Variants in FCN2 observed in about 807,000 individuals in gnomAD.
The protein encoded by FCN2 is ficolin 2, also known as ficolin-2.
FCN2 carries 31 observed loss-of-function variants against 32.5 expected under a neutral mutation model. The ratio of observed to expected loss-of-function variants is 0.96; its 90% CI spans 0.72 to 1.29. The LOEUF (loss-of-function observed/expected upper bound fraction) is 1.29. FCN2 is among the 50% of genes most tolerant of loss of function. FCN2 has a pLI of 0.00. For synonymous variants in FCN2, 181 were observed against 164.5 expected, an observed-to-expected ratio of 1.10 and a Z score of -0.77; for missense variants, 412 against 406.5, an observed-to-expected ratio of 1.01 and a Z score of -0.12.
the FCN2 span, among the ~76,000 whole-genome samples, chr9:134,874,588 A>G: frequency 3.0e-4 from 46 of 152,194 alleles, no homozygotes; most frequent in Non-Finnish European, 6.2e-4. Context: ...TTTTACATCC[A>G]AACAACCATT....
At chr9:134,877,948 C>T (rs184615618), upstream of FCN2, among the ~76,000 whole-genome samples, 41 of 152,228 alleles carry the variant, frequency 2.7e-4, no homozygotes, top group Admixed American at 2.4e-3. Context: ...AGTCAGTGGG[C>T]TGGGGAAGGC....
upstream of FCN2, among the ~76,000 whole-genome samples, chr9:134,878,346 T>A (rs1342981852): frequency 6.6e-6 from 1 of 152,186 alleles, no homozygotes; most frequent in Non-Finnish European, 1.5e-5. Flanking sequence ...ACTTCTGCCC[T>A]TCTCTGAGCC....
the FCN2 span, among the ~76,000 whole-genome samples, chr9:134,866,030 G>A: frequency 6.6e-6 from 1 of 151,424 alleles, no homozygotes. Flanking sequence ...TCATGGGTAG[G>A]AAGAATCAAT....
At chr9:134,882,691 A>T (rs751025007) in intron 2 of FCN2, 52 bp downstream of exon 2, 2 of 1,311,734 alleles carry the variant, frequency 1.5e-6, no homozygotes, top group African/African-American at 2.9e-5. Flanking sequence ...TTGAAACCAG[A>T]TGCTGAGTTG....
intron 7 of FCN2, 55 bp downstream of exon 7, chr9:134,886,619 T>C: frequency 6.2e-7 from 1 of 1,602,830 alleles, no homozygotes. Context: ...GTTTGGGAAG[T>C]GGAGAGAGCG....
chr9:134,877,430 A>G (rs1830613425), upstream of FCN2, among the ~76,000 whole-genome samples: 1 of 152,292 alleles, frequency 6.6e-6, no homozygotes, highest in East Asian at 1.9e-4. Flanking sequence ...TAGTATCCAA[A>G]TATTTGGGAG....
chr9:134,883,159 C>A, intron 2 of FCN2, 143 bp from the exon 3 acceptor site: 1 of 774,510 alleles, frequency 1.3e-6, no homozygotes, highest in Non-Finnish European at 2.3e-6. Context: ...GCAGGATGGG[C>A]AAGCCTGGGC....
the FCN2 span, among the ~76,000 whole-genome samples, chr9:134,873,145 T>C: frequency 6.6e-6 from 1 of 150,558 alleles, no homozygotes; most frequent in Non-Finnish European, 1.5e-5. Flanking sequence ...TTTTTTTTAC[T>C]GAGTTTGAAG....
upstream of FCN2, among the ~76,000 whole-genome samples, chr9:134,879,354 T>C (rs945549090): frequency 6.6e-6 from 1 of 152,232 alleles, no homozygotes; most frequent in Non-Finnish European, 1.5e-5. Context: ...TTTAAAGCCT[T>C]CTAGACTTAA....
intron 1 of FCN2, among the ~76,000 whole-genome samples, chr9:134,882,307 A>G (rs546020678): frequency 3.3e-5 from 5 of 152,356 alleles, no homozygotes; most frequent in South Asian, 2.1e-4. Context: ...CTGCCTGACC[A>G]GTGCCCAAGA....
Position 134,882,578 on chromosome 9 carries a change from C to T in FCN2, c.153C>T (p.Gly51=), listed in dbSNP as rs1184663958. Residue 51 remains glycine, a synonymous_variant, in exon 2 of 8, where the codon GGC becomes GGT. Transcript: ENST00000291744. ...EGSDKLTILR[G]CPGLPGAPGP... ...CTGACAAGCTCACCATTCTCCGAGG[C>T]TGTCCGGGGCTGCCTGGGGCCCCTG... 1.2e-6 allele frequency: 2 copies of T among 1,614,164 alleles called. No individual in the cohort carries two copies. The highest frequency in any genetic ancestry group is 1.7e-6 in the Non-Finnish European group (2 of 1,180,028).
chr9:134,887,310 C>G lies in FCN2; in HGVS notation c.837C>G (p.Tyr279Ter), dbSNP rs1830774283. The G allele has an allele frequency of 6.2e-7, 1 of 1,614,012 alleles. No homozygotes were observed. Among genetic ancestry groups the G allele is most frequent in the Non-Finnish European group, 8.5e-7 (1 of 1,180,012 alleles). Residue 279 changes from tyrosine (Y) to a stop codon, truncating the protein, a stop_gained, in exon 8 of 8, where the codon TAC becomes TAG. Coordinates refer to ENST00000291744, the MANE Select transcript of FCN2 (RefSeq NM_004108.3). LOFTEE classifies it low-confidence loss of function (END_TRUNC). ...ATGTGTCAAACCTGAATGGTCGCTA[C>G]CTCAGGGGGACTCATGGCAGCTTTG... Reference protein sequence around the residue: ...NCHVSNLNGRYLRGTHGSFAN... With the variant: ...NCHVSNLNGR
At chr9:134,883,509 G>T (rs892520140) in intron 3 of FCN2, among the ~76,000 whole-genome samples, 154 bp downstream of exon 3, 1 of 151,632 alleles carries the variant, frequency 6.6e-6, no homozygotes, top group East Asian at 2.0e-4. Context: ...CAGGGCAGGG[G>T]TCTCAGTGTG....
At chr9:134,878,907 C>A, upstream of FCN2, among the ~76,000 whole-genome samples, 1 of 152,160 alleles carries the variant, frequency 6.6e-6, no homozygotes. Flanking sequence ...ACTTATAAAC[C>A]TTATTATTCT....
chr9:134,876,249 T>G (rs1031984932), upstream of FCN2, among the ~76,000 whole-genome samples: 8 of 152,238 alleles, frequency 5.3e-5, no homozygotes, highest in Non-Finnish European at 7.3e-5. Flanking sequence ...CAATGATTTT[T>G]ATCTACTTTT....
the FCN2 span, among the ~76,000 whole-genome samples, chr9:134,868,777 GTGAC>G: frequency 6.6e-6 from 1 of 152,250 alleles, no homozygotes; most frequent in South Asian, 2.1e-4. This position sits in a 1 kb window ranked among gnomAD's most constrained non-coding sequence, Gnocchi z 4.3. Flanking sequence ...GCCCTGACCA[GTGAC>G]CACACCACTG....
chr9:134,867,798 C>T, the FCN2 span, among the ~76,000 whole-genome samples: 1 of 152,148 alleles, frequency 6.6e-6, no homozygotes, highest in Non-Finnish European at 1.5e-5. Flanking sequence ...AATTCTACAA[C>T]CACATTCCCA....
At chr9:134,886,888 T>G (rs760730597) in intron 7 of FCN2, among the ~76,000 whole-genome samples, 62 of 151,778 alleles carry the variant, frequency 4.1e-4, no homozygotes, top group Middle Eastern at 3.4e-3. Context: ...GAATCCAGAG[T>G]AGAGAATGAT....
intron 6 of FCN2, 79 bp downstream of exon 6, chr9:134,885,976 A>G: frequency 1.4e-6 from 2 of 1,444,148 alleles, no homozygotes; most frequent in South Asian, 1.3e-5. Flanking sequence ...GCTGCCTGGA[A>G]CACAAGAGCC....
Sources: gnomAD v4.1 joint callset for allele counts (sites outside exome capture counted in the v4.1 genomes callset) on GRCh38, gnomAD v4.1.1 for gene constraint, Gnocchi (gnomAD v3.1) non-coding constraint, MANE v1.5 for transcripts, NCBI Gene and HGNC (gene_info 2026-07-23, HGNC 2026-07-21) for gene names.